VPS13B: variants seen among roughly 807,000 people sequenced by gnomAD.
VPS13B encodes the protein vacuolar protein sorting 13 homolog B.
A neutral mutation model predicts 426.4 loss-of-function variants in VPS13B; 285 were observed. The observed-to-expected ratio is 0.67, with a 90% CI of 0.61 to 0.74. The LOEUF is 0.74. VPS13B is among the 30% of genes least tolerant of loss of function. VPS13B has a pLI of 0.00. For synonymous variants in VPS13B, 1,676 were observed against 1,676.4 expected (o/e 1.00, Z 0.01); for missense variants, 4,537 against 4,782.6 (o/e 0.95, Z 1.51).
At chr8:99,796,680 T>G (rs935577810) in intron 43 of VPS13B, 6 of 152,174 alleles carry the variant, frequency 3.9e-5, no homozygotes, top group Admixed American at 2.6e-4. Context: ...ACTCAAAAGG[T>G]TCTTCTGTGG....
At chr8:99,854,704 C>T (rs1816461260) in intron 56 of VPS13B, among the ~76,000 whole-genome samples, 1 of 152,150 alleles carries the variant, frequency 6.6e-6, no homozygotes, top group African/African-American at 2.4e-5. Context: ...AGTCCCTCGG[C>T]CTAAAAGGAG....
chr8:99,497,655 T>A (rs890300239), intron 25 of VPS13B, among the ~76,000 whole-genome samples: 1 of 152,088 alleles, frequency 6.6e-6, no homozygotes, highest in Non-Finnish European at 1.5e-5. Flanking sequence ...TTGTTTGGCA[T>A]CAACTTCAGA....
intron 30 of VPS13B, among the ~76,000 whole-genome samples, chr8:99,541,418 G>A (rs1051982761): frequency 6.6e-6 from 1 of 152,040 alleles, no homozygotes; most frequent in Non-Finnish European, 1.5e-5. Flanking sequence ...TGCCGTGGTG[G>A]TTTGCTGCAC....
At chr8:99,614,198 G>A (rs1827966873) in intron 33 of VPS13B, 1 of 152,070 alleles carries the variant, frequency 6.6e-6, no homozygotes, top group Non-Finnish European at 1.5e-5. Flanking sequence ...GTAGGCTACT[G>A]TGATTTCACT....
At chr8:99,606,334 T>C (rs1827573207) in intron 33 of VPS13B, among the ~76,000 whole-genome samples, 1 of 151,978 alleles carries the variant, frequency 6.6e-6, no homozygotes, top group Admixed American at 6.6e-5. Flanking sequence ...ACAGCACAAA[T>C]TTATCTTTCA....
intron 31 of VPS13B, among the ~76,000 whole-genome samples, chr8:99,562,181 T>C (rs1824958822): frequency 6.6e-6 from 1 of 152,200 alleles, no homozygotes; most frequent in South Asian, 2.1e-4. Flanking sequence ...CACTTACATC[T>C]CTATAATGAT....
intron 17 of VPS13B, among the ~76,000 whole-genome samples, chr8:99,248,945 T>C (rs1817364048): frequency 2.0e-5 from 3 of 152,196 alleles, no homozygotes; most frequent in African/African-American, 7.2e-5. Context: ...TGGCATTTAG[T>C]GCATTCACAA....
intron 33 of VPS13B, among the ~76,000 whole-genome samples, chr8:99,580,811 C>T (rs1042539114): frequency 2.6e-5 from 4 of 151,804 alleles, no homozygotes; most frequent in Non-Finnish European, 5.9e-5. Flanking sequence ...GTGATGGTGC[C>T]ACTCCACTCC....
intron 51 of VPS13B, among the ~76,000 whole-genome samples, chr8:99,824,557 A>AT (rs547408211): frequency 6.4e-4 from 95 of 148,906 alleles, no homozygotes; most frequent in Non-Finnish European, 7.4e-4. Flanking sequence ...GAGAGGAGAG[A>AT]TTTTTTTTTC....
At chr8:99,068,182 G>C (rs917263892) in intron 3 of VPS13B, among the ~76,000 whole-genome samples, 1 of 151,962 alleles carries the variant, frequency 6.6e-6, no homozygotes, top group African/African-American at 2.4e-5. Context: ...CATTAGAACT[G>C]TTAAGGAATA....
intron 15 of VPS13B, among the ~76,000 whole-genome samples, chr8:99,161,823 C>T (rs1050613425): frequency 2.7e-5 from 4 of 149,966 alleles, no homozygotes; most frequent in Non-Finnish European, 4.4e-5. Flanking sequence ...ATCTCCACTT[C>T]CCAGGTTCAA....
intron 2 of VPS13B, among the ~76,000 whole-genome samples, chr8:99,016,407 C>T (rs1482293846): frequency 6.6e-6 from 1 of 151,052 alleles, no homozygotes; most frequent in Admixed American, 6.6e-5. Context: ...TAATGTTAGC[C>T]TTTCTAGTGG....
At chr8:99,084,586 C>T (rs1453973286) in intron 3 of VPS13B, among the ~76,000 whole-genome samples, 3 of 152,114 alleles carry the variant, frequency 2.0e-5, no homozygotes, top group African/African-American at 4.8e-5. Flanking sequence ...CTCTTGTGGG[C>T]ATTTAGCGCT....
chr8:99,699,703 T>C lies in VPS13B; in HGVS notation c.6225T>C (p.Tyr2075=). The C allele has an allele frequency of 1.2e-6, 2 of 1,614,152 alleles. No individual in the cohort carries two copies. The highest frequency in any genetic ancestry group is 1.7e-6 in the Non-Finnish European group (2 of 1,180,042). ...AGGATGATCTTCCAGTCTCCAAATA[T>C]TACCGTGGAAAGTTGTCTAAACCCA... ...VNKDDLPVSK[Y]YRGKLSKPKI... The change falls in exon 36 of 62, where the codon TAT becomes TAC. Residue 2075 remains tyrosine (Y), a synonymous_variant. Coordinates refer to ENST00000357162, the MANE Select transcript of VPS13B (RefSeq NM_152564.5).
At chr8:99,693,100 G>T (rs1016087457) in intron 35 of VPS13B, among the ~76,000 whole-genome samples, 3 of 142,824 alleles carry the variant, frequency 2.1e-5, no homozygotes, top group African/African-American at 5.3e-5. Flanking sequence ...ATTCACAGCC[G>T]AATTCTACCA....
chr8:99,676,630 A>T (rs921111226), intron 35 of VPS13B, among the ~76,000 whole-genome samples: 7 of 151,706 alleles, frequency 4.6e-5, no homozygotes, highest in African/African-American at 1.7e-4. Context: ...ACATCTTTTC[A>T]TATTATTATG....
chr8:99,735,861 G>A (rs751480694), intron 39 of VPS13B, among the ~76,000 whole-genome samples: 2 of 152,150 alleles, frequency 1.3e-5, no homozygotes, highest in Non-Finnish European at 2.9e-5. Flanking sequence ...GGAAAACGCT[G>A]CGAATTTGAC....
At chr8:99,532,069 A>G (rs973800885) in intron 30 of VPS13B, among the ~76,000 whole-genome samples, 3 of 152,118 alleles carry the variant, frequency 2.0e-5, no homozygotes, top group Non-Finnish European at 2.9e-5. Context: ...TTAACTTGAG[A>G]GAAGTATATT....
intron 19 of VPS13B, among the ~76,000 whole-genome samples, chr8:99,383,941 G>T (rs1813977274): frequency 6.6e-6 from 1 of 152,102 alleles, no homozygotes; most frequent in Admixed American, 6.6e-5. Flanking sequence ...AAGTTTTTGT[G>T]TGGGCATAAG....
Sources: allele counts gnomAD v4.1 joint callset (sites outside exome capture counted in the v4.1 genomes callset), GRCh38; gene constraint gnomAD v4.1.1; transcripts MANE v1.5; gene names NCBI Gene and HGNC (gene_info 2026-07-23, HGNC 2026-07-21).